Variants in STXBP5L observed in about 807,000 individuals in gnomAD.
STXBP5L encodes syntaxin-binding protein 5-like.
STXBP5L carries 65 observed loss-of-function variants against 144.5 expected under a neutral mutation model. The observed-to-expected ratio is 0.45, with a 90% CI of 0.37 to 0.55. The LOEUF (loss-of-function observed/expected upper bound fraction) is 0.55, where lower values mean the gene tolerates loss of function less well. STXBP5L is among the 20% of genes least tolerant of loss of function. The pLI, the probability that STXBP5L is intolerant of heterozygous loss-of-function variation, is 0.00. For synonymous variants in STXBP5L, 505 were observed against 469.6 expected, an observed-to-expected ratio of 1.08 and a Z score of -0.97; for missense variants, 1,298 against 1,405.5, an observed-to-expected ratio of 0.92 and a Z score of 1.22.
chr3:120,947,864 A>C lies in STXBP5L; in HGVS notation c.190-7076A>C, dbSNP rs879671845. Among the ~76,000 whole-genome samples, 5 of 151,822 alleles carry C rather than the reference A, an allele frequency of 3.3e-5. No individual in the cohort carries two copies. The Admixed American group carries it at 3.3e-4, about 10-fold the overall frequency. ...TGTTTATTTATTCATCAGTCGATGG[A>C]CATTTGAGTTGTTTCTTTTTGGCTG... On this transcript the variant is annotated intron_variant, in intron 2 of 26. Transcript: ENST00000471454.
At chr3:121,242,364 T>A (rs910745819) in intron 14 of STXBP5L, among the ~76,000 whole-genome samples, 1 of 152,140 alleles carries the variant, frequency 6.6e-6, no homozygotes, top group Non-Finnish European at 1.5e-5. Context: ...AGAGGAGATA[T>A]TTAACACAAT....
In STXBP5L at chr3:121,422,504, C is replaced by T. The variant is rs1439037662; in HGVS notation, c.*3407C>T. The T allele has an allele frequency of 6.6e-6, 1 of 152,130 alleles. No individual in the cohort carries two copies. The highest frequency in any genetic ancestry group is 1.5e-5 in the Non-Finnish European group (1 of 68,022). The allele number at this position is 152,130 out of a possible 1,614,324, so 9.4% of individuals were successfully genotyped here. ...TAATAACGTGAGCAATAGTCCCTAC[C>T]TTGAAATCATCCATTAGTCTTGGAG... On this transcript the variant is annotated 3_prime_UTR_variant, in exon 27 of 27. Transcript: ENST00000471454.
chr3:120,996,826 AG>A (rs1312971595), intron 3 of STXBP5L, among the ~76,000 whole-genome samples: 1 of 152,100 alleles, frequency 6.6e-6, no homozygotes, highest in Non-Finnish European at 1.5e-5. Context: ...TTCTAGGTTC[AG>A]GGGGGTACAT....
chr3:121,254,492 A>G (rs2050141525), intron 15 of STXBP5L, among the ~76,000 whole-genome samples: 1 of 152,168 alleles, frequency 6.6e-6, no homozygotes, highest in South Asian at 2.1e-4. Flanking sequence ...TCACCTAACA[A>G]TCAAAGGGGA....
chr3:121,010,170 C>G (rs1183333268), intron 3 of STXBP5L, among the ~76,000 whole-genome samples: 1 of 151,796 alleles, frequency 6.6e-6, no homozygotes, highest in Non-Finnish European at 1.5e-5. Context: ...TCTCCAAGTT[C>G]AACAGTCCTT....
At position 121,279,838 on chromosome 3, in the gene STXBP5L, G is replaced by T. The variant is rs1267915433; in HGVS notation, c.1992G>T (p.Val664=). ...VAFGNCNGLA[V]VDFIQKTVLL... ...TTGGGAACTGCAATGGGTTGGCTGT[G>T]GTGGATTTTATACAGAAGACAGTAC... is the stretch of plus-strand genomic sequence containing the variant. Residue 664 remains valine (V), a synonymous_variant, in exon 19 of 27, where the codon GTG becomes GTT. Coordinates refer to ENST00000471454, the MANE Select transcript of STXBP5L (RefSeq NM_001308330.2). The T allele has an allele frequency of 6.2e-7, 1 of 1,612,400 alleles. No individual in the cohort carries two copies. The highest frequency in any genetic ancestry group is 2.2e-5 in the East Asian group (1 of 44,822).
At chr3:121,409,490 A>G (rs1379874896) in intron 23 of STXBP5L, among the ~76,000 whole-genome samples, 1 of 151,930 alleles carries the variant, frequency 6.6e-6, no homozygotes. Context: ...AACAAAAGCT[A>G]ATTTTCAAGG....
At chr3:121,178,904 T>C (rs2047035072) in intron 9 of STXBP5L, among the ~76,000 whole-genome samples, 2 of 152,214 alleles carry the variant, frequency 1.3e-5, no homozygotes, top group East Asian at 3.9e-4. Flanking sequence ...TGAAAGAAGC[T>C]TCCAGCAGAA....
chr3:121,240,197 T>C (rs551432450), intron 13 of STXBP5L, among the ~76,000 whole-genome samples: 23 of 152,260 alleles, frequency 1.5e-4, no homozygotes, highest in African/African-American at 5.3e-4. Flanking sequence ...AAAATACTTC[T>C]TTGATTTGTT....
chr3:121,115,115 A>C, intron 6 of STXBP5L, 56 bp downstream of exon 6: 1 of 1,506,058 alleles, frequency 6.6e-7, no homozygotes, highest in Non-Finnish European at 9.0e-7. Context: ...ACAGTTATGT[A>C]ACATGTAGGT....
intron 9 of STXBP5L, among the ~76,000 whole-genome samples, chr3:121,195,066 C>A (rs2047865746): frequency 6.6e-6 from 1 of 151,816 alleles, no homozygotes; most frequent in Non-Finnish European, 1.5e-5. Flanking sequence ...CAGGCACACG[C>A]CACCATGCCC....
intron 6 of STXBP5L, among the ~76,000 whole-genome samples, chr3:121,119,009 G>A (rs1173499022): frequency 6.6e-6 from 1 of 151,472 alleles, no homozygotes; most frequent in Non-Finnish European, 1.5e-5. Flanking sequence ...TTACTGGGTT[G>A]TTAAAACCAG....
At chr3:121,394,602 GTTTTT>G (rs373859677) in intron 22 of STXBP5L, among the ~76,000 whole-genome samples, 12 of 99,756 alleles carry the variant, frequency 1.2e-4, no homozygotes, top group African/African-American at 4.0e-4. Flanking sequence ...TTTGTTGAGG[GTTTTT>G]TTTTTTTTTT....
chr3:121,320,946 G>A (rs570173094), intron 20 of STXBP5L, among the ~76,000 whole-genome samples: 138 of 152,110 alleles, frequency 9.1e-4, no homozygotes, highest in African/African-American at 2.0e-3. Flanking sequence ...TGATCTGCCC[G>A]CCTCGGCCTC....
chr3:121,378,617 G>T, intron 20 of STXBP5L, 99 bp from the exon 21 acceptor site: 1 of 1,280,454 alleles, frequency 7.8e-7, no homozygotes, highest in Non-Finnish European at 1.0e-6. Context: ...GAAAATAAAG[G>T]AATTGTTGCT....
chr3:121,352,525 A>G (rs61796936), intron 20 of STXBP5L, among the ~76,000 whole-genome samples: 15,409 of 152,118 alleles, frequency 0.1, 1,046 homozygotes, highest in Non-Finnish European at 0.15. Flanking sequence ...AGTTTTGTAC[A>G]TTGATTTTGT....
intron 25 of STXBP5L, among the ~76,000 whole-genome samples, chr3:121,416,243 C>A (rs1560071578): frequency 6.6e-6 from 1 of 151,664 alleles, no homozygotes; most frequent in Non-Finnish European, 1.5e-5. Flanking sequence ...ATAAATATCT[C>A]ATTTGCAAGT....
intron 3 of STXBP5L, among the ~76,000 whole-genome samples, chr3:121,021,954 T>C (rs1000098097): frequency 6.6e-6 from 1 of 151,562 alleles, no homozygotes; most frequent in Admixed American, 6.6e-5. Flanking sequence ...AACTAAAAAA[T>C]ATACAAAAGA....
intron 2 of STXBP5L, among the ~76,000 whole-genome samples, chr3:120,909,981 C>G (rs1708745140): frequency 2.6e-5 from 4 of 152,022 alleles, no homozygotes; most frequent in African/African-American, 9.7e-5. Context: ...TGAGCACACA[C>G]AAAAAGTAGA....
Sources: gnomAD v4.1 joint callset for allele counts (sites outside exome capture counted in the v4.1 genomes callset) on GRCh38, gnomAD v4.1.1 for gene constraint, MANE v1.5 for transcripts, NCBI Gene and HGNC (gene_info 2026-07-23, HGNC 2026-07-21) for gene names.